Variants in PKP4 observed in about 807,000 individuals in gnomAD.
PKP4 encodes the protein plakophilin 4.
Under a neutral mutation model 145.1 loss-of-function variants are expected in PKP4, and 90 were observed. The ratio of observed to expected loss-of-function variants is 0.62; its 90% confidence interval spans 0.52 to 0.74. The LOEUF is 0.74. PKP4 is among the 30% of genes least tolerant of loss of function. The pLI, the probability that PKP4 is intolerant of heterozygous loss-of-function variation, is 0.00. For missense variants in PKP4, 1,340 were observed against 1,482.7 expected (o/e 0.90, Z 1.58); for synonymous variants, 563 against 577.2 (o/e 0.98, Z 0.35).
chr2:158,592,176 A>C (rs1266230084), intron 3 of PKP4, among the ~76,000 whole-genome samples: 1 of 152,006 alleles, frequency 6.6e-6, no homozygotes, highest in Non-Finnish European at 1.5e-5. Flanking sequence ...GTAGTTAGGA[A>C]CATGTGGGTG....
intron 1 of PKP4, among the ~76,000 whole-genome samples, chr2:158,505,449 A>G (rs2040878955): frequency 1.3e-5 from 2 of 152,256 alleles, no homozygotes; most frequent in Admixed American, 1.3e-4. Context: ...AACCCTAGTC[A>G]TTTGTCCAGG....
chr2:158,635,785 G>A (rs1008615976), intron 9 of PKP4, among the ~76,000 whole-genome samples: 9 of 152,142 alleles, frequency 5.9e-5, no homozygotes, highest in African/African-American at 9.7e-5. Context: ...TTCGTAAGGT[G>A]AATAAGTGAT....
At chr2:158,548,277 GA>G (rs1364268331) in intron 2 of PKP4, 4 of 152,132 alleles carry the variant, frequency 2.6e-5, no homozygotes, top group Admixed American at 1.3e-4. Context: ...TCATATTTAT[GA>G]AAAAACAAAA....
intron 3 of PKP4, among the ~76,000 whole-genome samples, chr2:158,581,091 G>A (rs1002590058): frequency 3.9e-5 from 6 of 152,276 alleles, no homozygotes; most frequent in Non-Finnish European, 2.9e-5. Context: ...GTTTTTTATT[G>A]TGTCACTTGA....
chr2:158,513,512 T>A (rs1463749799), intron 1 of PKP4, among the ~76,000 whole-genome samples: 1 of 152,232 alleles, frequency 6.6e-6, no homozygotes, highest in African/African-American at 2.4e-5. Context: ...ATCATTCTTT[T>A]CTTTTGCAGA....
chr2:158,531,054 T>G (rs187946822), intron 1 of PKP4, among the ~76,000 whole-genome samples: 4 of 151,858 alleles, frequency 2.6e-5, no homozygotes, highest in African/African-American at 9.7e-5. Context: ...CCTGGGAGAG[T>G]GGTACTCAGA....
chr2:158,604,177 T>C (rs1225644075), intron 4 of PKP4, among the ~76,000 whole-genome samples: 1 of 152,212 alleles, frequency 6.6e-6, no homozygotes, highest in Non-Finnish European at 1.5e-5. Flanking sequence ...ACATCTGAGA[T>C]GGCAGAGGAG....
chr2:158,492,802 C>T (rs75316920), intron 1 of PKP4, among the ~76,000 whole-genome samples: 12,441 of 152,224 alleles, frequency 0.082, 693 homozygotes, highest in Middle Eastern at 0.2. Flanking sequence ...TACGTGTTTA[C>T]AGTAGAAAAT....
chr2:158,655,356 C>A (rs1198259228), intron 11 of PKP4, among the ~76,000 whole-genome samples: 1 of 152,130 alleles, frequency 6.6e-6, no homozygotes, highest in East Asian at 1.9e-4. Context: ...GAGAAATATT[C>A]TCTTGCCAGA....
intron 1 of PKP4, among the ~76,000 whole-genome samples, chr2:158,505,942 A>G (rs1306133680): frequency 6.6e-6 from 1 of 152,150 alleles, no homozygotes; most frequent in African/African-American, 2.4e-5. Flanking sequence ...GCATCCCTCA[A>G]CTGTGAGCTT....
chr2:158,522,521 T>C (rs28715171), intron 1 of PKP4, among the ~76,000 whole-genome samples: 80 of 152,228 alleles, frequency 5.3e-4, no homozygotes, highest in African/African-American at 1.9e-3. Flanking sequence ...GTGATGAAAA[T>C]GCACAGCTGT....
chr2:158,576,408 G>A (rs1479823637), intron 2 of PKP4, among the ~76,000 whole-genome samples: 3 of 152,168 alleles, frequency 2.0e-5, no homozygotes, highest in African/African-American at 7.2e-5. Flanking sequence ...AGACAGTATG[G>A]CACAGGGGAG....
chr2:158,475,652 T>C (rs570177532), intron 1 of PKP4, among the ~76,000 whole-genome samples: 1 of 152,326 alleles, frequency 6.6e-6, no homozygotes, highest in South Asian at 2.1e-4. Context: ...CCTCAGTCAG[T>C]AGCTCAGCAT....
intron 20 of PKP4, among the ~76,000 whole-genome samples, chr2:158,678,312 A>G (rs943992228): frequency 6.6e-6 from 1 of 152,198 alleles, no homozygotes; most frequent in Non-Finnish European, 1.5e-5. Context: ...ACCTTTGCGC[A>G]TGGGCTCTGC....
At chr2:158,667,291 C>G (rs2711072) in intron 16 of PKP4, among the ~76,000 whole-genome samples, 68,394 of 151,980 alleles carry the variant, frequency 0.45, 16,603 homozygotes, top group South Asian at 0.66. Context: ...ATGTGCTGCT[C>G]ACTGGCCATG....
At chr2:158,517,343 G>T (rs2042013830) in intron 1 of PKP4, among the ~76,000 whole-genome samples, 1 of 152,012 alleles carries the variant, frequency 6.6e-6, no homozygotes, top group African/African-American at 2.4e-5. Flanking sequence ...TCCCACCTGG[G>T]TTCTTCTGCC....
chr2:158,625,083 G>A lies in PKP4; in HGVS notation c.809G>A (p.Arg270Gln), dbSNP rs746601274. The part of the protein sequence containing the change: ...AYSSTTLPAA[R>Q]AASPYSQRPA... ...TCCTCCACCACATTACCTGCTGCAC[G>A]GGCAGCCTCTCCGTACTCACAGAGA... Residue 270 changes from arginine to glutamine, a missense_variant, in exon 7 of 22, where the codon CGG (arginine) becomes CAG (glutamine). Coordinates refer to ENST00000389759, the MANE Select transcript of PKP4 (RefSeq NM_003628.6). 31 of 1,613,990 alleles carry A rather than the reference G, an allele frequency of 1.9e-5. No individual in the cohort carries two copies. The East Asian group carries it at 3.1e-4, about 16-fold the overall frequency.
intron 1 of PKP4, among the ~76,000 whole-genome samples, chr2:158,494,308 A>T (rs1047226382): frequency 4.1e-4 from 63 of 152,304 alleles, no homozygotes; most frequent in African/African-American, 1.5e-3. Context: ...AGCCCTAAAA[A>T]ATGTGACCTT....
chr2:158,562,960 T>G (rs1367749352), intron 2 of PKP4, among the ~76,000 whole-genome samples: 1 of 152,158 alleles, frequency 6.6e-6, no homozygotes, highest in Non-Finnish European at 1.5e-5. Flanking sequence ...TAGCAATTTA[T>G]GGAAGAAATT....
Sources: gnomAD v4.1 joint callset for allele counts (sites outside exome capture counted in the v4.1 genomes callset) on GRCh38, gnomAD v4.1.1 for gene constraint, MANE v1.5 for transcripts, NCBI Gene and HGNC (gene_info 2026-07-23, HGNC 2026-07-21) for gene names.